VPS13B: variants seen among roughly 807,000 people sequenced by gnomAD.
The protein encoded by VPS13B is intermembrane lipid transfer protein VPS13B.
A neutral mutation model predicts 426.4 loss-of-function variants in VPS13B; 285 were observed. The observed-to-expected ratio is 0.67, with a 90% CI of 0.61 to 0.74. The LOEUF is 0.74. VPS13B is among the 30% of genes least tolerant of loss of function. VPS13B has a pLI of 0.00. For synonymous variants in VPS13B, 1,676 were observed against 1,676.4 expected, an observed-to-expected ratio of 1.00 and a Z score of 0.01; for missense variants, 4,537 against 4,782.6, an observed-to-expected ratio of 0.95 and a Z score of 1.51.
chr8:99,655,877 A>G (rs1171631307), intron 34 of VPS13B, among the ~76,000 whole-genome samples: 1 of 152,240 alleles, frequency 6.6e-6, no homozygotes, highest in African/African-American at 2.4e-5. Context: ...GCTAAGGGTT[A>G]AAAGAAATAG....
At chr8:99,643,757 C>T (rs1397836745) in intron 34 of VPS13B, among the ~76,000 whole-genome samples, 1 of 152,190 alleles carries the variant, frequency 6.6e-6, no homozygotes, top group Non-Finnish European at 1.5e-5. Flanking sequence ...TATCAGCTCT[C>T]CTACACCAAG....
At chr8:99,654,748 CA>C (rs1287469893) in intron 34 of VPS13B, among the ~76,000 whole-genome samples, 3 of 151,566 alleles carry the variant, frequency 2.0e-5, no homozygotes, top group Non-Finnish European at 4.4e-5. Context: ...TATCATACTA[CA>C]AATAAATGTA....
chr8:99,331,989 T>A (rs1429493334), intron 19 of VPS13B, among the ~76,000 whole-genome samples: 1 of 151,790 alleles, frequency 6.6e-6, no homozygotes, highest in Non-Finnish European at 1.5e-5. Flanking sequence ...AAAAAATTTA[T>A]CTCAAAATCA....
chr8:99,533,950 G>A (rs717365), intron 30 of VPS13B, among the ~76,000 whole-genome samples: 43,264 of 151,942 alleles, frequency 0.28, 7,199 homozygotes, highest in East Asian at 0.44. Flanking sequence ...ATTATATAAA[G>A]GCATTCTCAA....
At chr8:99,178,961 G>A (rs1218639659) in intron 16 of VPS13B, among the ~76,000 whole-genome samples, 1 of 151,406 alleles carries the variant, frequency 6.6e-6, no homozygotes, top group Non-Finnish European at 1.5e-5. Flanking sequence ...ACTATTAATA[G>A]CATGTTGATT....
intron 50 of VPS13B, among the ~76,000 whole-genome samples, chr8:99,822,954 T>C (rs959695): frequency 0.38 from 57,668 of 151,898 alleles, 11,158 homozygotes; most frequent in East Asian, 0.47. Context: ...AAAATAGTTT[T>C]GACCGTGGGA....
rs750733971 is a variant in VPS13B at position 99,013,953 on chromosome 8, CAT to C, written c.147+19_147+20del. 1.8e-5 allele frequency: 29 copies of C among 1,613,814 alleles called. No homozygotes were observed. The highest frequency in any genetic ancestry group is 2.7e-5 in the African/African-American group (2 of 74,894). ...TGGAACAGGTAAGCTATTTAGCTGT[CAT>C]TAACTGGAAACAGTTTTCAGCTTGT... On this transcript the variant is annotated intron_variant, in intron 2 of 61. Coordinates refer to ENST00000357162, the MANE Select transcript of VPS13B (RefSeq NM_152564.5).
chr8:99,458,072 C>G (rs1259863221), intron 23 of VPS13B, among the ~76,000 whole-genome samples: 1 of 149,380 alleles, frequency 6.7e-6, no homozygotes, highest in Non-Finnish European at 1.5e-5. Context: ...CCCCCTCCCC[C>G]CAACCCCACA....
chr8:99,336,312 T>C (rs960691075), intron 19 of VPS13B, among the ~76,000 whole-genome samples: 2 of 152,224 alleles, frequency 1.3e-5, no homozygotes, highest in South Asian at 2.1e-4. Context: ...GCTAGCCATA[T>C]GTAGGAAGCT....
chr8:99,328,873 G>A (rs996867142), intron 19 of VPS13B, among the ~76,000 whole-genome samples: 1 of 152,056 alleles, frequency 6.6e-6, no homozygotes, highest in Non-Finnish European at 1.5e-5. Flanking sequence ...AAGCAGCTAC[G>A]AAAGGAAAAT....
At position 99,142,986 on chromosome 8, in the gene VPS13B, A is replaced by C. The variant is rs2132580980; in HGVS notation, c.1664A>C (p.Gln555Pro). 1.9e-6 allele frequency: 3 copies of C among 1,613,526 alleles called. No homozygotes were observed. The South Asian group carries it at 3.3e-5, about 18-fold the overall frequency. ...TGACTTCTTTTAGGTTCCACAAATC[A>C]ACAAGACTTTTCTTCAGGGAAAAGT... ...ENTSGKGSTN[Q>P]QDFSSGKSED... Residue 555 changes from glutamine (Q) to proline (P), a missense_variant, in exon 13 of 62, where the codon CAA becomes CCA. By Grantham distance (76) the Gln-to-Pro change is moderately conservative (BLOSUM62 -1). Coordinates refer to ENST00000357162, the MANE Select transcript of VPS13B (RefSeq NM_152564.5).
rs534736438 is a variant in VPS13B, at chr8:99,461,939, T to A, written c.3446-5475T>A. Reference sequence around the variant, plus strand: ...AAAACAATGAGTACGTATTGCTCAGTGCTCTGTCCCTAGATCCTAGAATGA... The same window carrying A: ...AAAACAATGAGTACGTATTGCTCAGAGCTCTGTCCCTAGATCCTAGAATGA... On this transcript the variant is annotated intron_variant, in intron 23 of 61. Coordinates refer to ENST00000357162, the MANE Select transcript of VPS13B (RefSeq NM_152564.5). Among the ~76,000 whole-genome samples, 5 of 152,320 alleles carry A rather than the reference T, an allele frequency of 3.3e-5. No homozygotes were observed. The East Asian group carries it at 9.6e-4, about 29-fold the overall frequency.
At chr8:99,410,535 A>ATTAATTAT (rs374438193) in intron 21 of VPS13B, among the ~76,000 whole-genome samples, 20 of 149,064 alleles carry the variant, frequency 1.3e-4, no homozygotes, top group Non-Finnish European at 2.2e-4. Context: ...TGTTACCAGA[A>ATTAATTAT]TTATTTATTT....
intron 14 of VPS13B, among the ~76,000 whole-genome samples, chr8:99,153,082 A>C (rs960126143): frequency 6.6e-6 from 1 of 152,186 alleles, no homozygotes; most frequent in African/African-American, 2.4e-5. Flanking sequence ...AGGTGAGCGG[A>C]TCACCTGAGC....
intron 14 of VPS13B, among the ~76,000 whole-genome samples, chr8:99,151,697 C>A (rs2132610405): frequency 6.6e-6 from 1 of 152,180 alleles, no homozygotes; most frequent in East Asian, 1.9e-4. Context: ...CCATGCCTGG[C>A]TAATTTTGTA....
intron 31 of VPS13B, among the ~76,000 whole-genome samples, chr8:99,574,328 C>T (rs1343469204): frequency 6.6e-6 from 1 of 152,106 alleles, no homozygotes; most frequent in Non-Finnish European, 1.5e-5. Flanking sequence ...CCAGAACTTC[C>T]AACACTATGT....
chr8:99,859,577 T>C, intron 57 of VPS13B, 97 bp downstream of exon 57: 1 of 1,503,122 alleles, frequency 6.7e-7, no homozygotes, highest in Non-Finnish European at 9.0e-7. Context: ...TCAGATTGCC[T>C]CTAGCTTTGT....
rs1832184512 is a variant in VPS13B, at chr8:99,699,567, T to C, written c.6089T>C (p.Leu2030Pro). The change falls in exon 36 of 62, where the codon CTG becomes CCG. Residue 2030 changes from leucine to proline, a missense_variant. Around this residue, in one of 2 missense-constraint regions of VPS13B, gnomAD observed 4,311 missense variants for 4,474.3 expected, o/e 0.96. Transcript: ENST00000357162. Reference sequence around the variant, plus strand: ...ATATCAAAGCCTTTGAAAGCAAACCTGAGTTTCACCAAACTGGATCAGATA... The same window carrying C: ...ATATCAAAGCCTTTGAAAGCAAACCCGAGTTTCACCAAACTGGATCAGATA... ...LDISKPLKAN[L>P]SFTKLDQINL... 1.2e-6 allele frequency: 2 copies of C among 1,614,032 alleles called. No individual in the cohort carries two copies. The highest frequency in any genetic ancestry group is 1.7e-6 in the Non-Finnish European group (2 of 1,180,010).
chr8:99,830,889 G>A (rs778555311), intron 51 of VPS13B, among the ~76,000 whole-genome samples: 25 of 151,890 alleles, frequency 1.6e-4, no homozygotes, highest in Admixed American at 3.3e-4. Context: ...CGGGTGAGGC[G>A]ACACCCCACC....
Sources: gnomAD v4.1 joint callset for allele counts (sites outside exome capture counted in the v4.1 genomes callset) on GRCh38, gnomAD v4.1.1 for gene constraint, gnomAD v4.1.1 regional missense constraint, MANE v1.5 for transcripts, NCBI Gene and HGNC (gene_info 2026-07-23, HGNC 2026-07-21) for gene names.